ADAMTS10: variants seen among roughly 807,000 people sequenced by gnomAD.
ADAMTS10 encodes ADAM metallopeptidase with thrombospondin type 1 motif 10.
In ADAMTS10, 48 loss-of-function variants were observed where a neutral mutation model predicts 135.9. That is an observed-to-expected ratio of 0.35 (90% confidence interval 0.28 to 0.45). The LOEUF (loss-of-function observed/expected upper bound fraction) is 0.45, where lower values mean the gene tolerates loss of function less well. Ranked by LOEUF, ADAMTS10 falls within the 20% of genes least tolerant of loss-of-function variation. The pLI, the probability that ADAMTS10 is intolerant of heterozygous loss-of-function variation, is 1.00. For missense variants in ADAMTS10, 1,131 were observed against 1,565.2 expected (o/e 0.72, Z 4.68); for synonymous variants, 621 against 647.5 (o/e 0.96, Z 0.62).
chr19:8,595,974 G>A (rs1463949395), intron 11 of ADAMTS10, 71 bp from the exon 12 acceptor site: 74 of 1,613,712 alleles, frequency 4.6e-5, no homozygotes, highest in Admixed American at 8.3e-5. Flanking sequence ...TCAGCTGGAT[G>A]GGGGTCCCAG....
chr19:8,585,753 T>A, intron 22 of ADAMTS10, 93 bp from the exon 23 acceptor site: 1 of 1,276,706 alleles, frequency 7.8e-7, no homozygotes, highest in Non-Finnish European at 1.1e-6. Flanking sequence ...ACCCTTCCAA[T>A]CACCCAGCCT....
At chr19:8,604,892 G>C (rs2042702444) in intron 4 of ADAMTS10, 120 bp downstream of exon 4, 1 of 1,157,696 alleles carries the variant, frequency 8.6e-7, no homozygotes, top group Non-Finnish European at 1.3e-6. Flanking sequence ...GCACTGATTG[G>C]CTCAAAACAC....
chr19:8,595,120 G>A (rs3936234), intron 12 of ADAMTS10, among the ~76,000 whole-genome samples: 101,022 of 151,994 alleles, frequency 0.66, 34,028 homozygotes, highest in East Asian at 0.82. Flanking sequence ...TTAGGGAATC[G>A]AGGCAGGTGG....
Position 8,608,247 on chromosome 19 carries a change from G to C in ADAMTS10, c.-213C>G, listed in dbSNP as rs1010877618. On this transcript the variant is annotated splice_region_variant and 5_prime_UTR_variant, in exon 2 of 26. Transcript: ENST00000597188. Reference sequence around the variant, plus strand: ...GGGCCTTGGTTTCTTCTTCTTTGGAGCCTGGGCAGGGAGGGGTCAAAGAGG... The same window carrying C: ...GGGCCTTGGTTTCTTCTTCTTTGGACCCTGGGCAGGGAGGGGTCAAAGAGG... The C allele has an allele frequency of 1.3e-5, 2 of 152,820 alleles. No homozygotes were observed. The highest frequency in any genetic ancestry group is 2.9e-5 in the Non-Finnish European group (2 of 68,648). The allele number at this position is 152,820 out of a possible 1,614,324, so 9.5% of individuals were successfully genotyped here.
chr19:8,581,092 T>G, intron 25 of ADAMTS10, 90 bp from the exon 26 acceptor site: 6 of 614,392 alleles, frequency 9.8e-6, no homozygotes, highest in East Asian at 3.8e-5. Flanking sequence ...TCCTGGCCAG[T>G]GACTTTCTGT....
Position 8,589,698 on chromosome 19 carries a change from G to A in ADAMTS10, c.1901-113C>T, listed in dbSNP as rs991645560. ...GACCCCAGACCCAAGAGGAAGGGCA[G>A]CTTGGGCAGAGGGAGTGGGGGCTCC... On this transcript the variant is annotated intron_variant, in intron 16 of 25. Transcript: ENST00000597188. 7 of 1,537,618 alleles carry A rather than the reference G, an allele frequency of 4.6e-6. No homozygotes were observed. In the Admixed American group the frequency reaches 1.3e-4, roughly 29 times the overall value.
chr19:8,582,015 A>G (rs1239556035), intron 25 of ADAMTS10, among the ~76,000 whole-genome samples: 3 of 147,540 alleles, frequency 2.0e-5, no homozygotes, highest in Non-Finnish European at 4.5e-5. Flanking sequence ...TGGGCGACAG[A>G]GCGAGACCCT....
chr19:8,595,982 C>T, intron 11 of ADAMTS10, 79 bp from the exon 12 acceptor site: 1 of 1,613,880 alleles, frequency 6.2e-7, no homozygotes, highest in Non-Finnish European at 8.5e-7. Context: ...ATGGGGGTCC[C>T]AGGGAGCATC....
In ADAMTS10 at chr19:8,592,678, G is replaced by T; in HGVS notation, c.1587+85C>A. On this transcript the variant is annotated intron_variant, in intron 13 of 25. Coordinates refer to ENST00000597188, the MANE Select transcript of ADAMTS10 (RefSeq NM_030957.4). ...CAATGTGGGAGGGAGCAGATAATAG[G>T]CCGAAGGACAGGCGGGTAGGCGTGG... The T allele has an allele frequency of 5.9e-6, 8 of 1,367,068 alleles. No individual in the cohort carries two copies. In the South Asian group the frequency reaches 8.6e-5, roughly 15 times the overall value. The allele number at this position is 1,367,068 out of a possible 1,614,324, so 84.7% of individuals were successfully genotyped here.
chr19:8,601,239 C>T lies in ADAMTS10; in HGVS notation c.593-94G>A, dbSNP rs1177756350. On this transcript the variant is annotated intron_variant, in intron 5 of 25. Coordinates refer to ENST00000597188, the MANE Select transcript of ADAMTS10 (RefSeq NM_030957.4). The surrounding 1 kb of genome is among the most constrained non-coding windows in gnomAD (Gnocchi z 4.6). ...TTGTCCAACCTCTGACTGGCTACCT[C>T]TCTACCCAACAGTCTGGACAGACAA... is the stretch of plus-strand genomic sequence containing the variant. 3 of 1,346,980 alleles carry T rather than the reference C, an allele frequency of 2.2e-6. No individual in the cohort carries two copies. The highest frequency in any genetic ancestry group is 1.4e-5 in the African/African-American group (1 of 69,426). 83.4% of individuals were successfully genotyped at this position (1,346,980 alleles called of 1,614,324 possible).
At chr19:8,595,019 A>G (rs1274014511) in intron 12 of ADAMTS10, among the ~76,000 whole-genome samples, 1 of 152,152 alleles carries the variant, frequency 6.6e-6, no homozygotes, top group Non-Finnish European at 1.5e-5. Context: ...GGCATCACAA[A>G]AACTCTGATC....
At position 8,584,972 on chromosome 19, in the gene ADAMTS10, G is replaced by A. The variant is rs1555736444; in HGVS notation, c.3125C>T (p.Thr1042Met). 2 of 1,546,274 alleles carry A rather than the reference G, an allele frequency of 1.3e-6. No homozygotes were observed. The highest frequency in any genetic ancestry group is 2.0e-5 in the Admixed American group (1 of 50,944). The change falls in exon 25 of 26, where the codon ACG (threonine) becomes ATG (methionine). Residue 1042 changes from threonine (T) to methionine (M), a missense_variant. By Grantham distance (81) the Thr-to-Met change is moderately conservative (BLOSUM62 -1). This residue lies in a region of ADAMTS10 where 745 missense variants were observed against 1,056.3 expected (regional missense o/e 0.71). Coordinates refer to ENST00000597188, the MANE Select transcript of ADAMTS10 (RefSeq NM_030957.4). ...CGTGGTGGGCGGCCGCAGGGCCTCC[G>A]TGCACTCGTGCGACGCCTGGCCCGT... is the stretch of plus-strand genomic sequence containing the variant. ...SHTGQASHECTEALRPPTTQQ... is the reference protein window; with the variant it reads ...SHTGQASHECMEALRPPTTQQ...
chr19:8,585,695 G>A (rs1555736894), intron 22 of ADAMTS10, 35 bp from the exon 23 acceptor site: 1 of 1,601,936 alleles, frequency 6.2e-7, no homozygotes, highest in Non-Finnish European at 8.5e-7. Flanking sequence ...CAAGTAAGCA[G>A]GGCAGGGGGT....
chr19:8,605,809 C>T lies in ADAMTS10; in HGVS notation c.-99G>A. 1.3e-6 allele frequency: 2 copies of T among 1,515,988 alleles called. No individual in the cohort carries two copies. Among genetic ancestry groups the T allele is most frequent in the East Asian group, 2.5e-5 (1 of 40,548 alleles). The allele number at this position is 1,515,988 out of a possible 1,614,324, so 93.9% of individuals were successfully genotyped here. ...ACAGCCTTCGCAGCATCACCGGGCT[C>T]CTGGGAGGGGGGAGCCAGGTAAGGG... is the stretch of plus-strand genomic sequence containing the variant. On this transcript the variant is annotated splice_region_variant and 5_prime_UTR_variant, in exon 3 of 26. Transcript: ENST00000597188. This position sits in a 1 kb window ranked among gnomAD's most constrained non-coding sequence, Gnocchi z 7.7.
rs781970539 is a variant in ADAMTS10, at chr19:8,589,898, A to G, written c.1891T>C (p.Tyr631His). Residue 631 changes from tyrosine (Y) to histidine (H), a missense_variant, in exon 16 of 26, where the codon TAC (tyrosine) becomes CAC (histidine). Around this residue, in one of 3 missense-constraint regions of ADAMTS10, gnomAD observed 745 missense variants for 1,056.3 expected, o/e 0.71. Coordinates refer to ENST00000597188, the MANE Select transcript of ADAMTS10 (RefSeq NM_030957.4). ...FRGKFYKWKT[Y>H]RGGGVKACSL... is the part of the protein sequence containing the mutation. ...GGAGTCCCACACTCACCTCCCCGGT[A>G]CGTTTTCCACTTGTAGAATTTCCCA... 6.2e-7 allele frequency: 1 copy of G among 1,613,752 alleles called. No homozygotes were observed.
intron 15 of ADAMTS10, 81 bp from the exon 16 acceptor site, chr19:8,590,072 G>T: frequency 9.9e-7 from 1 of 1,012,004 alleles, no homozygotes; most frequent in Non-Finnish European, 1.5e-6. Flanking sequence ...AGAAAGATGG[G>T]CTGGAGGAGG....
rs2042715241 is a variant in ADAMTS10 at position 8,605,727 on chromosome 19, C to T, written c.-17G>A. On this transcript the variant is annotated 5_prime_UTR_variant, in exon 3 of 26. In the 5' UTR this introduces an upstream ATG that the reference lacks. Transcript: ENST00000597188. The surrounding 1 kb of genome is among the most constrained non-coding windows in gnomAD (Gnocchi z 7.7). ...GGGAGCCATAGAGGCCACGTGTCCA[C>T]ATGTCTCTCCCCAGCCCCGGCTGCC... The T allele has an allele frequency of 6.3e-7, 1 of 1,597,722 alleles. No homozygotes were observed. Among genetic ancestry groups the T allele is most frequent in the Non-Finnish European group, 8.5e-7 (1 of 1,174,226 alleles).
In ADAMTS10 at chr19:8,589,243, G is replaced by A. The variant is rs150468696; in HGVS notation, c.2157C>T (p.Ala719=). 5.6e-6 allele frequency: 9 copies of A among 1,612,466 alleles called. No individual in the cohort carries two copies. Among genetic ancestry groups the A allele is most frequent in the South Asian group, 3.3e-5 (3 of 91,078 alleles). The part of the protein sequence containing the change: ...EGVFSPASPG[A]GYEDVVWIPK... Reference sequence around the variant, plus strand: ...GGGAGGGAAGCTGGAGACTCTCACCGGCCCCAGGTGAGGCTGGGCTGAAGA... The same window carrying A: ...GGGAGGGAAGCTGGAGACTCTCACCAGCCCCAGGTGAGGCTGGGCTGAAGA... The change falls in exon 18 of 26, where the codon GCC becomes GCT. Residue 719 remains alanine (A), a splice_region_variant and synonymous_variant. Coordinates refer to ENST00000597188, the MANE Select transcript of ADAMTS10 (RefSeq NM_030957.4).
rs1269536869 is a variant in ADAMTS10, at chr19:8,592,044, G to C, written c.1647C>G (p.Ala549=). The change falls in exon 14 of 26, where the codon GCC becomes GCG. Residue 549 remains alanine (A), a synonymous_variant. Coordinates refer to ENST00000597188, the MANE Select transcript of ADAMTS10 (RefSeq NM_030957.4). Reference sequence around the variant, plus strand: ...CGCCCCATGGAGTCCACGGCCCCCAGGCTCCGTCCACACCCTCTGGGCGCG... The same window carrying C: ...CGCCCCATGGAGTCCACGGCCCCCACGCTCCGTCCACACCCTCTGGGCGCG... ...FGSRPEGVDG[A]WGPWTPWGDC... 6.2e-7 allele frequency: 1 copy of C among 1,613,762 alleles called. No individual in the cohort carries two copies.
Sources: allele counts gnomAD v4.1 joint callset (sites outside exome capture counted in the v4.1 genomes callset), GRCh38; gene constraint gnomAD v4.1.1; regional missense constraint gnomAD v4.1.1; non-coding constraint Gnocchi (gnomAD v3.1); transcripts MANE v1.5; gene names NCBI Gene and HGNC (gene_info 2026-07-23, HGNC 2026-07-21).